The following FRMD4B variants were observed in gnomAD, a reference collection of about 807,000 sequenced individuals.
The protein encoded by FRMD4B is FERM domain containing 4B, also known as FERM domain-containing protein 4B.
A neutral mutation model predicts 141.5 loss-of-function variants in FRMD4B; 74 were observed. That is an observed-to-expected ratio of 0.52 (90% CI 0.43 to 0.63). FRMD4B has a LOEUF of 0.63. Ranked by LOEUF, FRMD4B falls within the 30% of genes least tolerant of loss-of-function variation. The probability of loss-of-function intolerance (pLI) is 0.00; values close to 1 mark genes in which losing one functional copy is unlikely to be tolerated. For synonymous variants in FRMD4B, 506 were observed against 467.9 expected (o/e 1.08, Z -1.05); for missense variants, 1,366 against 1,253.4 (o/e 1.09, Z -1.36).
At chr3:69,276,546 C>A (rs139355229) in intron 5 of FRMD4B, among the ~76,000 whole-genome samples, 3 of 152,144 alleles carry the variant, frequency 2.0e-5, no homozygotes, top group African/African-American at 7.2e-5. Flanking sequence ...AAGTACCATG[C>A]CCGACCTTTA....
chr3:69,215,284 C>T lies in FRMD4B; in HGVS notation c.876+979G>A, dbSNP rs1404361507. ...TCCAAATCTGATAGATTGTGACCCT[C>T]TTTTTTTTTTTTTTTTTTTTTTTTT... is the stretch of plus-strand genomic sequence containing the variant. On this transcript the variant is annotated intron_variant, in intron 11 of 22. Transcript: ENST00000398540. Among the ~76,000 whole-genome samples, 317 of 45,178 alleles carry T rather than the reference C, an allele frequency of 7.0e-3. 9 individuals are homozygous for T. The East Asian group carries it at 0.084, about 12-fold the overall frequency. The allele number at this position is 45,178 out of a possible 152,430, so 29.6% of individuals were successfully genotyped here. A position where few individuals can be genotyped will look rare whatever the true frequency, so the allele number is the denominator to read the frequency against.
rs748398174 is a variant in FRMD4B at position 69,195,032 on chromosome 3, G to A, written c.1478C>T (p.Pro493Leu). 5.0e-6 allele frequency: 8 copies of A among 1,613,394 alleles called. No homozygotes were observed. The highest frequency in any genetic ancestry group is 2.2e-5 in the East Asian group (1 of 44,896). Residue 493 changes from proline to leucine, a missense_variant, in exon 16 of 23, where the codon CCG becomes CTG. By Grantham distance (98) the Pro-to-Leu change is moderately conservative. Transcript: ENST00000398540. ...AGGCGTTGTTCATACTTCTTCACTCGGCAGCAAGTTGTCATCTAATTTGAA... is the reference window on the plus strand; with the variant it reads ...AGGCGTTGTTCATACTTCTTCACTCAGCAGCAAGTTGTCATCTAATTTGAA... ...TAFKLDDNLL[P>L]SEEDPALQEL...
intron 1 of FRMD4B, among the ~76,000 whole-genome samples, chr3:69,459,105 T>C (rs1207127358): frequency 6.6e-6 from 1 of 152,240 alleles, no homozygotes; most frequent in Non-Finnish European, 1.5e-5. Flanking sequence ...AAATACACCG[T>C]TGGTACTTCC....
At chr3:69,380,447 A>G (rs960146918) in intron 1 of FRMD4B, among the ~76,000 whole-genome samples, 39 of 152,214 alleles carry the variant, frequency 2.6e-4, no homozygotes, top group African/African-American at 8.7e-4. Flanking sequence ...AATCCTTTAC[A>G]TAAACCAGAG....
chr3:69,313,848 T>TA (rs1356763498), intron 1 of FRMD4B, among the ~76,000 whole-genome samples: 33 of 151,318 alleles, frequency 2.2e-4, no homozygotes, highest in East Asian at 1.2e-3. Context: ...ATGTTTTATT[T>TA]AAAAAAAAAG....
chr3:69,279,301 C>T (rs537717215), intron 5 of FRMD4B, among the ~76,000 whole-genome samples: 1 of 152,256 alleles, frequency 6.6e-6, no homozygotes, highest in Non-Finnish European at 1.5e-5. Flanking sequence ...CTGATCACTC[C>T]AGTACTAATA....
At chr3:69,230,100 C>A (rs566116322) in intron 7 of FRMD4B, among the ~76,000 whole-genome samples, 2 of 151,924 alleles carry the variant, frequency 1.3e-5, no homozygotes, top group South Asian at 4.1e-4. Context: ...CTCAGCTTCC[C>A]GAGTAGCTGG....
In FRMD4B at chr3:69,431,683, T is replaced by G. The variant is rs138158392; in HGVS notation, c.-1+951A>C. ...CTGAGGCAAAGGGAGATTAATCATT[T>G]TGACCACAATTATGCAAGTGGTAGG... On this transcript the variant is annotated intron_variant, in intron 2 of 5. Coordinates refer to the FRMD4B transcript ENST00000459638. 1.6e-3 allele frequency among the ~76,000 whole-genome samples: 240 copies of G among 152,300 alleles called. 2 individuals carry two copies. Among genetic ancestry groups the G allele is most frequent in the Middle Eastern group, 3.4e-3 (1 of 294 alleles).
intron 1 of FRMD4B, among the ~76,000 whole-genome samples, chr3:69,482,886 T>C (rs1185446685): frequency 6.6e-6 from 1 of 152,082 alleles, no homozygotes; most frequent in East Asian, 1.9e-4. Flanking sequence ...TTTGCACTTT[T>C]ACATATTTAT....
intron 7 of FRMD4B, among the ~76,000 whole-genome samples, chr3:69,237,092 C>T (rs1207349374): frequency 6.6e-6 from 1 of 152,224 alleles, no homozygotes; most frequent in Non-Finnish European, 1.5e-5. Context: ...AGTTTGAAAA[C>T]TTACCAAAGT....
intron 1 of FRMD4B, among the ~76,000 whole-genome samples, chr3:69,498,415 T>C (rs1706437514): frequency 6.6e-6 from 1 of 152,180 alleles, no homozygotes; most frequent in South Asian, 2.1e-4. Context: ...TTTGAATGGA[T>C]TGAAGCCTGC....
intron 1 of FRMD4B, among the ~76,000 whole-genome samples, chr3:69,375,586 C>T (rs1386632124): frequency 6.6e-6 from 1 of 152,130 alleles, no homozygotes; most frequent in Non-Finnish European, 1.5e-5. Flanking sequence ...AAGCAGTAGA[C>T]TATGTTTCCA....
At chr3:69,246,466 A>G (rs1481837973) in intron 7 of FRMD4B, among the ~76,000 whole-genome samples, 1 of 152,162 alleles carries the variant, frequency 6.6e-6, no homozygotes, top group Non-Finnish European at 1.5e-5. Context: ...AAAATAAACA[A>G]AAACAAAATA....
chr3:69,402,173 C>T lies in FRMD4B; in HGVS notation c.-1+30461G>A, dbSNP rs1372553583. Among the ~76,000 whole-genome samples the T allele has an allele frequency of 2.0e-5, 3 of 152,306 alleles. 1 individual carries two copies. In the South Asian group the frequency reaches 6.2e-4, roughly 32 times the overall value. On this transcript the variant is annotated intron_variant, in intron 2 of 5. Transcript: ENST00000459638. ...GGGCAGGTATGGTAATCCCATCCTCCCTGTCAAGTGATTGGTTTAGGAAAG... is the reference window on the plus strand; with the variant it reads ...GGGCAGGTATGGTAATCCCATCCTCTCTGTCAAGTGATTGGTTTAGGAAAG...
At chr3:69,371,223 C>A (rs778787409) in intron 1 of FRMD4B, among the ~76,000 whole-genome samples, 69 of 152,142 alleles carry the variant, frequency 4.5e-4, no homozygotes, top group Non-Finnish European at 7.5e-4. Flanking sequence ...CTGTGGGCTA[C>A]AACTCTGAGG....
At chr3:69,355,360 T>C (rs548396760) in intron 1 of FRMD4B, among the ~76,000 whole-genome samples, 53 of 152,324 alleles carry the variant, frequency 3.5e-4, no homozygotes, top group South Asian at 8.3e-4. Flanking sequence ...ACCCAAAACA[T>C]TTGCCTGAGT....
At chr3:69,469,436 A>C (rs1474237978) in intron 1 of FRMD4B, among the ~76,000 whole-genome samples, 2 of 152,216 alleles carry the variant, frequency 1.3e-5, no homozygotes, top group African/African-American at 4.8e-5. Flanking sequence ...TATAGGTAAA[A>C]CTACACATCC....
At chr3:69,336,099 T>G (rs1171479390) in intron 1 of FRMD4B, among the ~76,000 whole-genome samples, 3 of 118,942 alleles carry the variant, frequency 2.5e-5, no homozygotes, top group Non-Finnish European at 5.7e-5. Context: ...CAATTATAAC[T>G]TCCCTTGGGG....
intron 2 of FRMD4B, among the ~76,000 whole-genome samples, chr3:69,402,164 C>A (rs778881221): frequency 6.6e-6 from 1 of 152,158 alleles, no homozygotes; most frequent in Non-Finnish European, 1.5e-5. Flanking sequence ...GTATGGTAAT[C>A]CCATCCTCCC....
Sources: gnomAD v4.1 joint callset for allele counts (sites outside exome capture counted in the v4.1 genomes callset) on GRCh38, gnomAD v4.1.1 for gene constraint, MANE v1.5 for transcripts, NCBI Gene and HGNC (gene_info 2026-07-23, HGNC 2026-07-21) for gene names.